NME8: variants seen among roughly 807,000 people sequenced by gnomAD.
The protein encoded by NME8 is NME/NM23 family member 8.
A neutral mutation model predicts 82.3 loss-of-function variants in NME8; 72 were observed. The ratio of observed to expected loss-of-function variants is 0.87; its 90% CI spans 0.72 to 1.06. The LOEUF (loss-of-function observed/expected upper bound fraction) is 1.06. Ranked by LOEUF, NME8 falls within the 50% of genes least tolerant of loss-of-function variation. NME8 has a pLI of 0.00. For missense variants in NME8, 712 were observed against 685.4 expected (o/e 1.04, Z -0.43); for synonymous variants, 267 against 228.5 (o/e 1.17, Z -1.52).
intron 11 of NME8, among the ~76,000 whole-genome samples, chr7:37,872,121 C>T (rs564677225): frequency 3.3e-5 from 5 of 151,818 alleles, no homozygotes; most frequent in Admixed American, 6.6e-5. Context: ...ACCACAGACC[C>T]TGAGAATAAC....
At chr7:37,882,595 GAAA>G (rs1784971265) in intron 12 of NME8, among the ~76,000 whole-genome samples, 1 of 53,984 alleles carries the variant, frequency 1.9e-5, no homozygotes, top group African/African-American at 7.3e-5. Flanking sequence ...AAGAAAGAAA[GAAA>G]GAGAGAGAGA....
chr7:37,897,839 A>G (rs1383830323), intron 17 of NME8, among the ~76,000 whole-genome samples: 1 of 152,180 alleles, frequency 6.6e-6, no homozygotes, highest in Non-Finnish European at 1.5e-5. Flanking sequence ...TGCAAAGGAC[A>G]TGATCCTTTT....
At position 37,896,782 on chromosome 7, in the gene NME8, T is replaced by C. The variant is rs2598119; in HGVS notation, c.1545-88T>C. 1,068,047 of 1,114,242 alleles carry C rather than the reference T, an allele frequency of 0.96. 512,812 individuals carry two copies. Among genetic ancestry groups the C allele is most frequent in the Admixed American group, 0.97 (57,610 of 59,126 alleles). 69.0% of individuals were successfully genotyped at this position (1,114,242 alleles called of 1,614,324 possible). ...AAAGAATAAAAAGGAGCTCCCTGGCTCAGGCTGCAGTGTTCTGTCTTTAGC... is the reference window on the plus strand; with the variant it reads ...AAAGAATAAAAAGGAGCTCCCTGGCCCAGGCTGCAGTGTTCTGTCTTTAGC... On this transcript the variant is annotated intron_variant, in intron 16 of 17. Coordinates refer to ENST00000199447, the MANE Select transcript of NME8 (RefSeq NM_016616.5).
chr7:37,868,979 G>A (rs957858576), intron 11 of NME8, among the ~76,000 whole-genome samples: 23 of 152,156 alleles, frequency 1.5e-4, no homozygotes, highest in Admixed American at 1.3e-4. Flanking sequence ...AGGCTGCACC[G>A]GAAAGAAAGT....
At chr7:37,882,595 GA>G (rs376806267) in intron 12 of NME8, among the ~76,000 whole-genome samples, 1 of 53,984 alleles carries the variant, frequency 1.9e-5, no homozygotes, top group Non-Finnish European at 3.7e-5. Context: ...AAGAAAGAAA[GA>G]AAGAGAGAGA....
At chr7:37,864,318 A>C in intron 8 of NME8, 30 bp from the exon 9 acceptor site, 1 of 1,581,556 alleles carries the variant, frequency 6.3e-7, no homozygotes, top group Non-Finnish European at 8.6e-7. Flanking sequence ...AAGAAAATGA[A>C]ATTCTGTCTT....
At chr7:37,897,151 C>A in intron 17 of NME8, 44 bp downstream of exon 17, 1 of 1,261,792 alleles carries the variant, frequency 7.9e-7, no homozygotes, top group Non-Finnish European at 1.1e-6. Context: ...TTGCTTGTTG[C>A]AGTGACTGAG....
intron 10 of NME8, among the ~76,000 whole-genome samples, chr7:37,866,282 C>A (rs1784681607): frequency 6.6e-6 from 1 of 152,004 alleles, no homozygotes; most frequent in South Asian, 2.1e-4. Context: ...GTGTTCAAAT[C>A]CACATGTGGC....
chr7:37,883,652 G>A (rs1318048022), intron 12 of NME8, among the ~76,000 whole-genome samples: 1 of 152,150 alleles, frequency 6.6e-6, no homozygotes, highest in Non-Finnish European at 1.5e-5. Flanking sequence ...GCAGAAGATG[G>A]TGTAGGACAG....
intron 5 of NME8, among the ~76,000 whole-genome samples, chr7:37,852,544 A>G (rs1784452423): frequency 6.6e-6 from 1 of 152,108 alleles, no homozygotes; most frequent in Admixed American, 6.6e-5. Context: ...CAATCTTTTG[A>G]CTACCTCCAT....
chr7:37,853,219 A>G (rs563495924), intron 5 of NME8, among the ~76,000 whole-genome samples: 3 of 152,234 alleles, frequency 2.0e-5, no homozygotes, highest in South Asian at 2.1e-4. Context: ...TGTATTTTGA[A>G]TAACAGTCTT....
In NME8 at chr7:37,850,386, C is replaced by CAAT; in HGVS notation, c.46_48dup (p.Asn16dup). 1 of 1,614,114 alleles carries CAAT rather than the reference C, an allele frequency of 6.2e-7. No homozygotes were observed. Among genetic ancestry groups the CAAT allele is most frequent in the Middle Eastern group, 1.6e-4 (1 of 6,062 alleles). The stretch of plus-strand genomic sequence containing the variant: ...TGCCTTCCACTTTGCAGACAGTCAT[C>CAAT]AATAATCAAAGCCTGTGGGATGAGA... On this transcript the variant is annotated inframe_insertion, in exon 4 of 18. Coordinates refer to ENST00000199447, the MANE Select transcript of NME8 (RefSeq NM_016616.5).
In NME8 at chr7:37,892,235, A is replaced by G. The variant is rs538826510; in HGVS notation, c.1400-2231A>G. Reference sequence around the variant, plus strand: ...TTGACCACTCTTGATTTCTTTTTCTAGATACATGTTATTCTTTTTCACTGT... The same window carrying G: ...TTGACCACTCTTGATTTCTTTTTCTGGATACATGTTATTCTTTTTCACTGT... On this transcript the variant is annotated intron_variant, in intron 15 of 17. Coordinates refer to ENST00000199447, the MANE Select transcript of NME8 (RefSeq NM_016616.5). Among the ~76,000 whole-genome samples, 91 of 151,946 alleles carry G rather than the reference A, an allele frequency of 6.0e-4. 2 individuals are homozygous for G. Among genetic ancestry groups the G allele is most frequent in the Non-Finnish European group, 6.2e-4 (42 of 67,886 alleles).
intron 14 of NME8, among the ~76,000 whole-genome samples, chr7:37,886,628 A>G (rs1168737370): frequency 1.3e-5 from 2 of 152,098 alleles, no homozygotes; most frequent in African/African-American, 4.8e-5. Flanking sequence ...CTATCCCACA[A>G]TTCCTCCCCG....
intron 15 of NME8, 42 bp downstream of exon 15, chr7:37,888,470 A>G (rs1217040990): frequency 6.4e-7 from 1 of 1,563,246 alleles, no homozygotes; most frequent in Admixed American, 1.8e-5. Context: ...CATTTTCTCC[A>G]AATTTTGTGA....
intron 17 of NME8, among the ~76,000 whole-genome samples, chr7:37,898,033 A>G (rs62445989): frequency 0.028 from 4,311 of 152,288 alleles, 101 homozygotes; most frequent in East Asian, 0.088. Context: ...AAATTACTGG[A>G]TCAAATGGTA....
chr7:37,862,930 G>A (rs1242309051), intron 7 of NME8, among the ~76,000 whole-genome samples: 7 of 152,034 alleles, frequency 4.6e-5, no homozygotes. Context: ...GACCAGCCTG[G>A]CCAACATGGT....
At chr7:37,884,165 G>C in intron 12 of NME8, 138 bp from the exon 13 acceptor site, 2 of 647,066 alleles carry the variant, frequency 3.1e-6, no homozygotes, top group Non-Finnish European at 5.5e-6. Flanking sequence ...TAAAACCTAA[G>C]AAGGTATTTC....
chr7:37,865,684 C>A (rs1166231662), intron 10 of NME8, 67 bp downstream of exon 10: 2 of 1,110,754 alleles, frequency 1.8e-6, no homozygotes, highest in Non-Finnish European at 2.7e-6. Context: ...AGCTTTAAAT[C>A]TTTATTACAG....
Sources: gnomAD v4.1 joint callset for allele counts (sites outside exome capture counted in the v4.1 genomes callset) on GRCh38, gnomAD v4.1.1 for gene constraint, MANE v1.5 for transcripts, NCBI Gene and HGNC (gene_info 2026-07-23, HGNC 2026-07-21) for gene names.